Variants in ABR observed in about 807,000 individuals in gnomAD.
ABR encodes the protein ABR activator of RhoGEF and GTPase.
A neutral mutation model predicts 107.2 loss-of-function variants in ABR; 35 were observed. The ratio of observed to expected loss-of-function variants is 0.33; its 90% CI spans 0.25 to 0.43. The LOEUF (loss-of-function observed/expected upper bound fraction) is 0.43. Ranked by LOEUF, ABR falls within the 20% of genes least tolerant of loss-of-function variation. The pLI is 1.00. For synonymous variants in ABR, 498 were observed against 462.0 expected, an observed-to-expected ratio of 1.08 and a Z score of -1.00; for missense variants, 815 against 1,115.2, an observed-to-expected ratio of 0.73 and a Z score of 3.83.
At chr17:1,055,093 G>A (rs1040744264) in intron 14 of ABR, among the ~76,000 whole-genome samples, 10 of 152,168 alleles carry the variant, frequency 6.6e-5, no homozygotes, top group Admixed American at 3.3e-4. Flanking sequence ...CAACCAGGCC[G>A]GGCGCAGCAG....
At position 1,006,166 on chromosome 17, in the gene ABR, G is replaced by T; in HGVS notation, c.2494C>A (p.Gln832Lys). 6.3e-7 allele frequency: 1 copy of T among 1,574,920 alleles called. No homozygotes were observed. The change falls in exon 23 of 23, where the codon CAG (glutamine) becomes AAG (lysine). Residue 832 changes from glutamine (Q) to lysine (K), a missense_variant. Physicochemically the swap from Gln to Lys is moderately conservative, Grantham distance 53. This residue lies in a region of ABR where 175 missense variants were observed against 284.3 expected (regional missense o/e 0.62). Coordinates refer to ENST00000302538, the MANE Select transcript of ABR (RefSeq NM_021962.5). The stretch of plus-strand genomic sequence containing the variant: ...TGCTGCAGGTAGTAGAGGAGGACCT[G>T]GACCTGTGGGGAGACAGGAAGGCGG... ...IWSHDVMAQV[Q>K]VLLYYLQHPP...
chr17:1,042,219 A>G (rs2030663282), intron 16 of ABR, among the ~76,000 whole-genome samples: 1 of 152,206 alleles, frequency 6.6e-6, no homozygotes, highest in South Asian at 2.1e-4. Flanking sequence ...CCACGGACGG[A>G]CGGATAAACA....
intron 16 of ABR, among the ~76,000 whole-genome samples, chr17:1,016,686 G>C (rs4968142): frequency 0.72 from 109,439 of 151,888 alleles, 40,263 homozygotes; most frequent in African/African-American, 0.86. Flanking sequence ...GCCAAGCCCC[G>C]ACAGCCAGCC....
At chr17:1,085,543 T>C (rs973255960) in intron 4 of ABR, among the ~76,000 whole-genome samples, 2 of 152,170 alleles carry the variant, frequency 1.3e-5, no homozygotes, top group African/African-American at 2.4e-5. Flanking sequence ...ACAGTGTGGA[T>C]AGGCACAGCC....
At chr17:1,162,150 G>A (rs2041323288) in intron 1 of ABR, among the ~76,000 whole-genome samples, 1 of 152,328 alleles carries the variant, frequency 6.6e-6, no homozygotes, top group Admixed American at 6.5e-5. Context: ...AAAAGACTCA[G>A]TTCGTGGTGA....
chr17:1,195,226 G>A (rs1197647679), intron 1 of ABR, among the ~76,000 whole-genome samples: 4 of 144,608 alleles, frequency 2.8e-5, no homozygotes, highest in Admixed American at 7.2e-5. Context: ...AGAATGGCGT[G>A]AACCCGGAAG....
intron 1 of ABR, among the ~76,000 whole-genome samples, chr17:1,211,070 G>A (rs1178204964): frequency 1.3e-5 from 2 of 152,102 alleles, no homozygotes; most frequent in Non-Finnish European, 2.9e-5. Flanking sequence ...ATGAGGTCAG[G>A]AGTTTGAGAC....
At chr17:1,085,440 G>A (rs1868401553) in intron 4 of ABR, among the ~76,000 whole-genome samples, 1 of 152,108 alleles carries the variant, frequency 6.6e-6, no homozygotes, top group Admixed American at 6.5e-5. Flanking sequence ...GACTACTCGG[G>A]GAAGTGTAAA....
chr17:1,079,788 CAAAAAAAAAAAAAAAAAAAAA>C (rs57412625), intron 5 of ABR, among the ~76,000 whole-genome samples: 51 of 55,112 alleles, frequency 9.3e-4, no homozygotes, highest in South Asian at 3.5e-3. Flanking sequence ...GACTCTGTCT[CAAAAAAAAAAAAAAAAAAAAA>C]AAAAAAAAAA....
chr17:1,145,696 G>C (rs1354137749), intron 1 of ABR, among the ~76,000 whole-genome samples: 1 of 152,204 alleles, frequency 6.6e-6, no homozygotes, highest in African/African-American at 2.4e-5. Context: ...GGTCCAGAGA[G>C]GCCAGCAAGA....
chr17:1,141,891 T>G (rs1465343366), intron 1 of ABR, among the ~76,000 whole-genome samples: 1 of 151,996 alleles, frequency 6.6e-6, no homozygotes, highest in Non-Finnish European at 1.5e-5. Context: ...CCTGAGTAGC[T>G]GGGATTACAG....
chr17:1,097,077 G>T (rs761005393), intron 3 of ABR, among the ~76,000 whole-genome samples: 1 of 152,330 alleles, frequency 6.6e-6, no homozygotes, highest in Non-Finnish European at 1.5e-5. Context: ...GGCATGAGCT[G>T]TTAGAAAGGC....
intron 3 of ABR, among the ~76,000 whole-genome samples, chr17:1,097,014 C>A (rs181541550): frequency 6.6e-6 from 1 of 152,204 alleles, no homozygotes; most frequent in Non-Finnish European, 1.5e-5. Context: ...AGGGGGGAAC[C>A]TGCGCCAGGC....
intron 16 of ABR, among the ~76,000 whole-genome samples, chr17:1,041,251 G>A (rs1399637357): frequency 6.6e-6 from 1 of 152,160 alleles, no homozygotes; most frequent in Admixed American, 6.5e-5. Flanking sequence ...AGACGGTGAG[G>A]TCCTGGTCAT....
intron 2 of ABR, among the ~76,000 whole-genome samples, chr17:1,120,847 G>C (rs2039313354): frequency 6.6e-6 from 1 of 152,166 alleles, no homozygotes; most frequent in African/African-American, 2.4e-5. Context: ...GTGGTAGAGT[G>C]GGGACAAAAC....
chr17:1,090,007 G>C (rs1482439013), intron 4 of ABR, among the ~76,000 whole-genome samples: 1 of 152,196 alleles, frequency 6.6e-6, no homozygotes, highest in Admixed American at 6.5e-5. Context: ...TTGTGGTTTG[G>C]GGGAGTCAGG....
At chr17:1,054,604 G>T (rs1368997466) in intron 14 of ABR, among the ~76,000 whole-genome samples, 2 of 41,580 alleles carry the variant, frequency 4.8e-5, no homozygotes, top group Admixed American at 2.6e-4. Context: ...TGAGGGGATG[G>T]GGGCACAAGG....
intron 16 of ABR, among the ~76,000 whole-genome samples, chr17:1,019,248 C>A (rs2071436446): frequency 6.6e-6 from 1 of 152,236 alleles, no homozygotes; most frequent in African/African-American, 2.4e-5. Flanking sequence ...CTCCAGAGAG[C>A]CTTCTCGGAG....
chr17:1,025,950 C>T (rs1250517110), intron 16 of ABR, among the ~76,000 whole-genome samples: 2 of 152,178 alleles, frequency 1.3e-5, no homozygotes, highest in African/African-American at 2.4e-5. Context: ...GGCTCCCCGC[C>T]GGGGCTGCTT....
Sources: allele counts gnomAD v4.1 joint callset (sites outside exome capture counted in the v4.1 genomes callset), GRCh38; gene constraint gnomAD v4.1.1; regional missense constraint gnomAD v4.1.1; transcripts MANE v1.5; gene names NCBI Gene and HGNC (gene_info 2026-07-23, HGNC 2026-07-21).